CGGBP1: variants seen among roughly 807,000 people sequenced by gnomAD.
The protein encoded by CGGBP1 is CGG triplet repeat-binding protein 1.
A neutral mutation model predicts 11.4 loss-of-function variants in CGGBP1; 4 were observed. The ratio of observed to expected loss-of-function variants is 0.35; its 90% confidence interval spans 0.17 to 0.80. The LOEUF (loss-of-function observed/expected upper bound fraction) is 0.80. Ranked by LOEUF, CGGBP1 falls within the 30% of genes least tolerant of loss-of-function variation. The pLI is 0.52. For synonymous variants in CGGBP1, 76 were observed against 74.1 expected (o/e 1.03, Z -0.13); for missense variants, 135 against 202.1 (o/e 0.67, Z 2.01).
At chr3:88,063,858 G>A (rs1171753392), upstream of CGGBP1, among the ~76,000 whole-genome samples, 1 of 152,060 alleles carries the variant, frequency 6.6e-6, no homozygotes. Flanking sequence ...TCATGATCCA[G>A]GGTAGTTGCT....
At chr3:88,071,647 A>AACAG (rs1412608903) in intron 2 of CGGBP1, among the ~76,000 whole-genome samples, 1 of 149,812 alleles carries the variant, frequency 6.7e-6, no homozygotes, top group Non-Finnish European at 1.5e-5. Flanking sequence ...AAAACAAACA[A>AACAG]ACAAAAATTA....
At chr3:88,129,320 G>GAA (rs1706300538) in intron 2 of CGGBP1, among the ~76,000 whole-genome samples, 1 of 50,584 alleles carries the variant, frequency 2.0e-5, no homozygotes, top group Non-Finnish European at 4.3e-5. Flanking sequence ...CTTGCCAGGA[G>GAA]TAAAAAAAAA....
intron 2 of CGGBP1, among the ~76,000 whole-genome samples, chr3:88,112,032 G>T (rs540342628): frequency 1.3e-5 from 2 of 151,828 alleles, no homozygotes; most frequent in South Asian, 2.1e-4. Flanking sequence ...TTTAAATTAA[G>T]GAAATCATCA....
At chr3:88,130,617 AT>A (rs10674029) in intron 2 of CGGBP1, among the ~76,000 whole-genome samples, 51 of 129,180 alleles carry the variant, frequency 3.9e-4, no homozygotes, top group African/African-American at 1.3e-3. Flanking sequence ...TGCCCAGCTA[AT>A]TTTTTTTTTT....
At chr3:88,064,345 T>C (rs141109323) in intron 2 of CGGBP1, among the ~76,000 whole-genome samples, 1 of 152,206 alleles carries the variant, frequency 6.6e-6, no homozygotes, top group Non-Finnish European at 1.5e-5. Flanking sequence ...CTATTGAGCA[T>C]GTTCACTATG....
chr3:88,076,835 A>T (rs1350818617), intron 2 of CGGBP1, among the ~76,000 whole-genome samples: 1 of 152,214 alleles, frequency 6.6e-6, no homozygotes, highest in South Asian at 2.1e-4. Context: ...ATGACCTGCT[A>T]TTCATAAGAG....
intron 2 of CGGBP1, chr3:88,140,711 A>G: frequency 6.2e-7 from 1 of 1,613,768 alleles, no homozygotes; most frequent in Non-Finnish European, 8.5e-7. Flanking sequence ...CCAGTGTTGT[A>G]CCACAAGAAC....
chr3:88,139,765 A>C, intron 2 of CGGBP1: 1 of 1,554,462 alleles, frequency 6.4e-7, no homozygotes, highest in Non-Finnish European at 8.7e-7. Flanking sequence ...TGTGGGGATG[A>C]TTATGAGGAG....
chr3:88,102,618 A>T (rs189974848), intron 2 of CGGBP1, among the ~76,000 whole-genome samples: 55 of 152,302 alleles, frequency 3.6e-4, no homozygotes. Flanking sequence ...CTGGCAATTC[A>T]GCCTCTCCTG....
intron 2 of CGGBP1, among the ~76,000 whole-genome samples, chr3:88,115,780 T>G (rs111903996): frequency 6.7e-4 from 102 of 152,328 alleles, no homozygotes; most frequent in Middle Eastern, 6.8e-3. Context: ...TGTTTGCATT[T>G]CTCATATGAT....
At chr3:88,078,924 A>G (rs1481715447) in intron 2 of CGGBP1, among the ~76,000 whole-genome samples, 2 of 152,088 alleles carry the variant, frequency 1.3e-5, no homozygotes, top group African/African-American at 4.8e-5. Context: ...TTTTGTATAC[A>G]ACTTTGATGA....
intron 2 of CGGBP1, among the ~76,000 whole-genome samples, chr3:88,113,818 ACATAT>A (rs1272777908): frequency 1.8e-5 from 1 of 55,668 alleles, no homozygotes; most frequent in East Asian, 7.0e-4. Flanking sequence ...TATACAGACA[ACATAT>A]CTTATATTTG....
intron 2 of CGGBP1, among the ~76,000 whole-genome samples, chr3:88,099,883 G>A (rs185393686): frequency 2.0e-4 from 30 of 152,086 alleles, no homozygotes; most frequent in Non-Finnish European, 3.1e-4. Context: ...AGAAGAAAAC[G>A]TAGGCAATAC....
chr3:88,087,107 G>A (rs539713040), intron 2 of CGGBP1, among the ~76,000 whole-genome samples: 59 of 148,222 alleles, frequency 4.0e-4, no homozygotes, highest in Admixed American at 6.7e-4. Context: ...TTGAGACAGA[G>A]TCTCTCTGTC....
intron 1 of CGGBP1, chr3:88,144,708 CAT>C (rs1271519134): frequency 6.6e-6 from 1 of 152,224 alleles, no homozygotes; most frequent in Non-Finnish European, 1.5e-5. Context: ...AGGAATTAGA[CAT>C]ATAAGGTATA....
At chr3:88,092,385 C>T (rs1246401565) in intron 2 of CGGBP1, among the ~76,000 whole-genome samples, 1 of 152,046 alleles carries the variant, frequency 6.6e-6, no homozygotes. Flanking sequence ...AGCAGTTATA[C>T]TTTTATATAA....
At chr3:88,059,198 C>G, upstream of CGGBP1, 1 of 1,446,252 alleles carries the variant, frequency 6.9e-7, no homozygotes, top group Non-Finnish European at 9.0e-7. Context: ...AGCCGAGAGG[C>G]CCCTGTCCGG....
At chr3:88,140,210 T>G (rs759199297) in intron 2 of CGGBP1, 1 of 1,613,828 alleles carries the variant, frequency 6.2e-7, no homozygotes, top group South Asian at 1.1e-5. Context: ...CTCAGTGTAG[T>G]TTTCCAGAAT....
intron 2 of CGGBP1, among the ~76,000 whole-genome samples, chr3:88,122,188 A>G (rs1705809691): frequency 6.6e-6 from 1 of 152,176 alleles, no homozygotes; most frequent in East Asian, 1.9e-4. Context: ...AGATACGTTC[A>G]TGGAAGTTGT....
Sources: gnomAD v4.1 joint callset for allele counts (sites outside exome capture counted in the v4.1 genomes callset) on GRCh38, gnomAD v4.1.1 for gene constraint, MANE v1.5 for transcripts, NCBI Gene and HGNC (gene_info 2026-07-23, HGNC 2026-07-21) for gene names.